CCDC7: variants seen among roughly 807,000 people sequenced by gnomAD.
CCDC7 encodes coiled-coil domain-containing protein 7.
CCDC7 carries 183 observed loss-of-function variants against 196.9 expected under a neutral mutation model. The observed-to-expected ratio is 0.93, with a 90% confidence interval of 0.82 to 1.05. The LOEUF (loss-of-function observed/expected upper bound fraction) is 1.05, where lower values mean the gene tolerates loss of function less well. Among genes scored for constraint, CCDC7 ranks in the 50% least tolerant of loss-of-function variants. The pLI is 0.00. For synonymous variants in CCDC7, 525 were observed against 484.6 expected (o/e 1.08, Z -1.10); for missense variants, 1,540 against 1,482.2 (o/e 1.04, Z -0.64).
At chr10:32,494,237 T>C (rs955759696) in intron 9 of CCDC7, among the ~76,000 whole-genome samples, 1 of 152,182 alleles carries the variant, frequency 6.6e-6, no homozygotes, top group Non-Finnish European at 1.5e-5. Flanking sequence ...AAGGACCCTA[T>C]TTCATTCTTC....
chr10:32,544,801 T>G (rs1473051085), intron 13 of CCDC7, among the ~76,000 whole-genome samples: 1 of 152,166 alleles, frequency 6.6e-6, no homozygotes, highest in African/African-American at 2.4e-5. Context: ...TGACTCTGGT[T>G]TGTGTGATCT....
rs571962946 is a variant in CCDC7 at position 32,843,116 on chromosome 10, T to A, written c.3353-2127T>A. ...AAAAAATAAATTTTTTTAAAAAATT[T>A]AAAAAATAAAATAACACTGGACGGT... On this transcript the variant is annotated intron_variant, in intron 33 of 41. Coordinates refer to ENST00000639629, the Ensembl canonical transcript of CCDC7. Among the ~76,000 whole-genome samples, 397 of 150,598 alleles carry A rather than the reference T, an allele frequency of 2.6e-3. 1 individual carries two copies. Among genetic ancestry groups the A allele is most frequent in the African/African-American group, 9.5e-3 (385 of 40,562 alleles).
At chr10:32,549,722 G>C (rs549753423) in intron 13 of CCDC7, among the ~76,000 whole-genome samples, 2 of 152,258 alleles carry the variant, frequency 1.3e-5, no homozygotes, top group South Asian at 4.1e-4. Flanking sequence ...TCAGTTGGCT[G>C]TAAGTATTTG....
upstream of CCDC7, among the ~76,000 whole-genome samples, chr10:32,450,968 A>C (rs893043905): frequency 2.0e-5 from 3 of 152,012 alleles, no homozygotes; most frequent in Non-Finnish European, 1.5e-5. Flanking sequence ...GTTGTTAGGA[A>C]TATTTTCCTT....
At chr10:32,692,634 G>C (rs2077217958) in intron 23 of CCDC7, among the ~76,000 whole-genome samples, 1 of 152,166 alleles carries the variant, frequency 6.6e-6, no homozygotes, top group Admixed American at 6.5e-5. Context: ...CCTGCTCTTT[G>C]TGGTAGTTTG....
At chr10:32,469,469 T>C (rs2037498025) in intron 5 of CCDC7, among the ~76,000 whole-genome samples, 1 of 152,144 alleles carries the variant, frequency 6.6e-6, no homozygotes, top group South Asian at 2.1e-4. Context: ...GCTGCAAGGC[T>C]GGTGGAGCTC....
At chr10:32,518,071 C>T in intron 10 of CCDC7, 96 bp downstream of exon 11, 4 of 1,381,232 alleles carry the variant, frequency 2.9e-6, no homozygotes, top group South Asian at 1.6e-5. Flanking sequence ...TATAAAGATC[C>T]AATCCTTACT....
chr10:32,560,469 A>T (rs1589884331), intron 13 of CCDC7, among the ~76,000 whole-genome samples: 3 of 152,228 alleles, frequency 2.0e-5, no homozygotes, highest in African/African-American at 7.2e-5. Context: ...CTAATAGCGG[A>T]TCTCTCAGCA....
chr10:32,529,964 G>A (rs957228922), intron 11 of CCDC7, among the ~76,000 whole-genome samples: 1 of 152,136 alleles, frequency 6.6e-6, no homozygotes, highest in Middle Eastern at 3.2e-3. Flanking sequence ...GAAAGATGAG[G>A]ATCCAGTTAC....
chr10:32,486,326 C>T (rs1393109035), intron 8 of CCDC7, among the ~76,000 whole-genome samples: 1 of 151,298 alleles, frequency 6.6e-6, no homozygotes, highest in Non-Finnish European at 1.5e-5. Flanking sequence ...CAACCCCTGC[C>T]TTTTTTTGTT....
At chr10:32,804,979 C>G in intron 29 of CCDC7, 36 bp from the exon 31 acceptor site, 7 of 1,358,080 alleles carry the variant, frequency 5.2e-6, no homozygotes, top group Non-Finnish European at 6.3e-6. Context: ...TAAGGATTAC[C>G]TCGCAAAGTA....
intron 9 of CCDC7, among the ~76,000 whole-genome samples, chr10:32,492,345 A>G (rs1191197618): frequency 6.6e-6 from 1 of 152,178 alleles, no homozygotes; most frequent in African/African-American, 2.4e-5. Flanking sequence ...CTGGGCATAT[A>G]TACCCCAAAA....
chr10:32,802,821 G>A (rs368965708), intron 29 of CCDC7, among the ~76,000 whole-genome samples: 11 of 152,338 alleles, frequency 7.2e-5, no homozygotes, highest in African/African-American at 2.4e-4. Context: ...TCCAGCACAG[G>A]TGAAAGATGT....
intron 9 of CCDC7, among the ~76,000 whole-genome samples, chr10:32,517,137 C>T (rs887447115): frequency 6.6e-6 from 1 of 152,046 alleles, no homozygotes; most frequent in Non-Finnish European, 1.5e-5. Context: ...TACAGCCATA[C>T]GCATTGAAGA....
intron 28 of CCDC7, among the ~76,000 whole-genome samples, chr10:32,769,960 T>C (rs11009076): frequency 0.1 from 15,934 of 152,238 alleles, 1,031 homozygotes; most frequent in South Asian, 0.25. Context: ...TGTGTCTTTA[T>C]AGTAGAATGA....
intron 13 of CCDC7, among the ~76,000 whole-genome samples, chr10:32,550,691 G>C (rs182119234): frequency 6.6e-6 from 1 of 152,080 alleles, no homozygotes. Flanking sequence ...TTTATGTTGT[G>C]TATCACATTT....
chr10:32,461,717 A>G (rs1451209929), intron 3 of CCDC7, among the ~76,000 whole-genome samples: 828 of 23,968 alleles, frequency 0.035, 3 homozygotes, highest in Non-Finnish European at 0.06. Flanking sequence ...GTGTATATAT[A>G]TATATATATA....
At chr10:32,544,163 C>A (rs1215161992) in intron 12 of CCDC7, 84 bp from the exon 14 acceptor site, 3 of 1,150,798 alleles carry the variant, frequency 2.6e-6, no homozygotes, top group East Asian at 2.5e-5. Flanking sequence ...ATTTTAAAAT[C>A]GTTTAAAAAG....
intron 9 of CCDC7, among the ~76,000 whole-genome samples, chr10:32,506,094 A>T (rs1258491356): frequency 1.4e-5 from 2 of 143,742 alleles, no homozygotes; most frequent in East Asian, 4.3e-4. Context: ...GGTGCTCCTC[A>T]CTTCCCAGAC....
Sources: gnomAD v4.1 joint callset for allele counts (sites outside exome capture counted in the v4.1 genomes callset) on GRCh38, gnomAD v4.1.1 for gene constraint, MANE v1.5 for transcripts, NCBI Gene and HGNC (gene_info 2026-07-23, HGNC 2026-07-21) for gene names.